Variants in TENM4 observed in about 807,000 individuals in gnomAD.
TENM4 encodes teneurin-4.
TENM4 carries 82 observed loss-of-function variants against 243.3 expected under a neutral mutation model. The ratio of observed to expected loss-of-function variants is 0.34; its 90% CI spans 0.28 to 0.40. The LOEUF is 0.40. TENM4 is among the 10% of genes least tolerant of loss of function. The pLI is 1.00. For missense variants in TENM4, 3,138 were observed against 3,673.3 expected (o/e 0.85, Z 3.77); for synonymous variants, 1,412 against 1,456.3 (o/e 0.97, Z 0.69).
chr11:79,239,389 C>T (rs1288681168), intron 2 of TENM4, among the ~76,000 whole-genome samples: 1 of 152,154 alleles, frequency 6.6e-6, no homozygotes, highest in Non-Finnish European at 1.5e-5. Context: ...TTCCAAAATA[C>T]CTTGGCTCAT....
Position 78,782,230 on chromosome 11 carries a change from C to T in TENM4, c.2366-3602G>A, listed in dbSNP as rs1354338952. Among the ~76,000 whole-genome samples, 13 of 122,004 alleles carry T rather than the reference C, an allele frequency of 1.1e-4. No homozygotes were observed. The East Asian group carries it at 2.4e-3, about 22-fold the overall frequency. The allele number at this position is 122,004 out of a possible 152,430, so 80.0% of individuals were successfully genotyped here. Reference sequence around the variant, plus strand: ...TCCCAGCACTTTGGGAGGCTGAAGCCGGTGGATCACTTGAGGTCAGGAGTT... The same window carrying T: ...TCCCAGCACTTTGGGAGGCTGAAGCTGGTGGATCACTTGAGGTCAGGAGTT... On this transcript the variant is annotated intron_variant, in intron 16 of 33. Transcript: ENST00000278550.
intron 12 of TENM4, among the ~76,000 whole-genome samples, chr11:78,828,114 T>G (rs897849261): frequency 1.3e-5 from 2 of 152,204 alleles, no homozygotes; most frequent in African/African-American, 4.8e-5. Context: ...TGGTTTTATG[T>G]CCTTTGGTGT....
intron 1 of TENM4, among the ~76,000 whole-genome samples, chr11:79,316,465 T>C (rs970464340): frequency 7.9e-5 from 12 of 152,212 alleles, no homozygotes; most frequent in African/African-American, 2.9e-4. Flanking sequence ...TGAGTCTGTG[T>C]GGGCTAACAA....
At chr11:79,328,165 G>T (rs1857004073) in intron 1 of TENM4, among the ~76,000 whole-genome samples, 1 of 152,260 alleles carries the variant, frequency 6.6e-6, no homozygotes, top group East Asian at 1.9e-4. Flanking sequence ...TGAACATTTA[G>T]GCTCAGTATT....
chr11:79,256,774 G>C (rs1021451322), intron 2 of TENM4, among the ~76,000 whole-genome samples: 1 of 152,156 alleles, frequency 6.6e-6, no homozygotes, highest in East Asian at 1.9e-4. Context: ...GAGACTTTCA[G>C]ATTTCAGGCT....
chr11:78,687,700 A>C (rs766386944), intron 29 of TENM4, among the ~76,000 whole-genome samples: 5 of 152,114 alleles, frequency 3.3e-5, no homozygotes, highest in Non-Finnish European at 7.4e-5. Flanking sequence ...TTTCATAATT[A>C]TGCGTAATTA....
intron 26 of TENM4, among the ~76,000 whole-genome samples, chr11:78,708,984 T>TTTTTTTTTTTTTA (rs59432159): frequency 6.9e-6 from 1 of 145,256 alleles, no homozygotes; most frequent in African/African-American, 2.7e-5. Flanking sequence ...TTTTTTTTTT[T>TTTTTTTTTTTTTA]AAAAAAAGAG....
chr11:78,692,959 C>A (rs1781478346), intron 28 of TENM4, among the ~76,000 whole-genome samples: 1 of 152,154 alleles, frequency 6.6e-6, no homozygotes, highest in East Asian at 1.9e-4. Context: ...TTCTTATTGA[C>A]CTCACTATAC....
rs1855983478 is a variant in TENM4 at position 78,903,455 on chromosome 11, T to C, written c.562A>G (p.Thr188Ala). ...GAGGCCGCGTGGTGCTGGTTGGGGG[T>C]GTGGGCGTGCGAGAGCGGCGGCGGC... ...TPPPPLSHAH[T>A]PNQHHAASIN... The change falls in exon 7 of 34, where the codon ACC (threonine) becomes GCC (alanine). Residue 188 changes from threonine (T) to alanine (A), a missense_variant. By Grantham distance (58) the Thr-to-Ala change is moderately conservative. This residue lies in a region of TENM4 where 671 missense variants were observed against 614.1 expected (regional missense o/e 1.09). Transcript: ENST00000278550. 1.9e-6 allele frequency: 3 copies of C among 1,548,306 alleles called. No individual in the cohort carries two copies. The highest frequency in any genetic ancestry group is 2.6e-6 in the Non-Finnish European group (3 of 1,145,682).
chr11:79,168,316 G>A (rs765200966), intron 3 of TENM4, among the ~76,000 whole-genome samples: 2 of 152,130 alleles, frequency 1.3e-5, no homozygotes, highest in Non-Finnish European at 2.9e-5. Flanking sequence ...GTCAGTACCT[G>A]GTGGTGGGTG....
Position 78,669,402 on chromosome 11 carries a change from C to T in TENM4, c.6943G>A (p.Ala2315Thr), listed in dbSNP as rs1160276183. The T allele has an allele frequency of 6.2e-7, 1 of 1,613,430 alleles. No individual in the cohort carries two copies. The highest frequency in any genetic ancestry group is 1.3e-5 in the African/African-American group (1 of 75,034). The change falls in exon 32 of 34, where the codon GCA becomes ACA. Residue 2315 changes from alanine to threonine, a missense_variant. This residue lies in a region of TENM4 where 2,467 missense variants were observed against 3,059.1 expected (regional missense o/e 0.81). Coordinates refer to ENST00000278550, the MANE Select transcript of TENM4 (RefSeq NM_001098816.3). This position sits in a 1 kb window ranked among gnomAD's most constrained non-coding sequence, Gnocchi z 6.4. The stretch of plus-strand genomic sequence containing the variant: ...ACCTTGGTGGGGTTGGTCAGGTCTG[C>T]ATAGAAGAACTGCAGGTGGTGGCTG... ...SHSHHLQFFY[A>T]DLTNPTKVTH...
At chr11:79,291,284 G>T (rs930643003) in intron 2 of TENM4, among the ~76,000 whole-genome samples, 3 of 152,220 alleles carry the variant, frequency 2.0e-5, no homozygotes, top group African/African-American at 7.2e-5. Flanking sequence ...TCACTGGTAT[G>T]ATGTGCCTAA....
chr11:78,908,780 C>T (rs1856119488), intron 6 of TENM4, among the ~76,000 whole-genome samples: 1 of 152,232 alleles, frequency 6.6e-6, no homozygotes, highest in Non-Finnish European at 1.5e-5. Flanking sequence ...GCAGGGGCTG[C>T]TACCCAAATC....
At chr11:78,807,304 C>G (rs1267881759) in intron 14 of TENM4, among the ~76,000 whole-genome samples, 1 of 152,176 alleles carries the variant, frequency 6.6e-6, no homozygotes, top group African/African-American at 2.4e-5. Flanking sequence ...TACCATTTTA[C>G]ATTCCCACCA....
chr11:79,371,786 C>T lies in TENM4; in HGVS notation c.-321+68723G>A, dbSNP rs536073853. 3.9e-5 allele frequency among the ~76,000 whole-genome samples: 6 copies of T among 152,240 alleles called. 1 individual carries two copies. Among genetic ancestry groups the T allele is most frequent in the African/African-American group, 1.4e-4 (6 of 41,542 alleles). On this transcript the variant is annotated intron_variant, in intron 1 of 33. Transcript: ENST00000278550. ...AAGTCAAGAAACCCCCTGGGGAATG[C>T]ACATAGCAAATATGATCACCTACAT... is the stretch of plus-strand genomic sequence containing the variant.
intron 12 of TENM4, among the ~76,000 whole-genome samples, chr11:78,832,023 A>G (rs1295020076): frequency 6.6e-6 from 1 of 152,226 alleles, no homozygotes; most frequent in Non-Finnish European, 1.5e-5. Context: ...GCATTGTGTC[A>G]TTAATCCTTC....
chr11:78,965,186 C>T (rs919334084), intron 6 of TENM4, among the ~76,000 whole-genome samples: 7 of 151,970 alleles, frequency 4.6e-5, no homozygotes, highest in African/African-American at 1.5e-4. Flanking sequence ...GTAATTTGTC[C>T]ACCCACCACC....
rs113753329 is a variant in TENM4, at chr11:78,964,409, T to C, written c.494-60886A>G. Among the ~76,000 whole-genome samples the C allele has an allele frequency of 4.2e-3, 637 of 152,330 alleles. 6 individuals are homozygous for C. The highest frequency in any genetic ancestry group is 0.015 in the African/African-American group (617 of 41,588). ...ATGTGACAACATTTTACAGAGTTGA[T>C]GTGTGTGCCACTTGGCTGGTTGATA... On this transcript the variant is annotated intron_variant, in intron 6 of 33. Transcript: ENST00000278550.
At chr11:79,013,599 G>A (rs1858703243) in intron 6 of TENM4, among the ~76,000 whole-genome samples, 1 of 152,174 alleles carries the variant, frequency 6.6e-6, no homozygotes, top group South Asian at 2.1e-4. Flanking sequence ...CAACAGGGAG[G>A]GACTGGTAGA....
Sources: allele counts gnomAD v4.1 joint callset (sites outside exome capture counted in the v4.1 genomes callset), GRCh38; gene constraint gnomAD v4.1.1; regional missense constraint gnomAD v4.1.1; non-coding constraint Gnocchi (gnomAD v3.1); transcripts MANE v1.5; gene names NCBI Gene and HGNC (gene_info 2026-07-23, HGNC 2026-07-21).